Variants in ZNF831 observed in about 807,000 individuals in gnomAD.
ZNF831 encodes the protein zinc finger protein 831.
ZNF831 carries 59 observed loss-of-function variants against 95.8 expected under a neutral mutation model. The ratio of observed to expected loss-of-function variants is 0.62; its 90% confidence interval spans 0.50 to 0.77. The LOEUF (loss-of-function observed/expected upper bound fraction) is 0.77. Among genes scored for constraint, ZNF831 ranks in the 30% least tolerant of loss-of-function variants. The pLI is 0.00. For missense variants in ZNF831, 2,205 were observed against 2,164.0 expected (o/e 1.02, Z -0.38); for synonymous variants, 961 against 925.5 (o/e 1.04, Z -0.70).
chr20:59,192,621 C>A lies in ZNF831; in HGVS notation c.1602C>A (p.Ser534Arg), dbSNP rs778063295. 1.3e-6 allele frequency: 2 copies of A among 1,501,762 alleles called. No homozygotes were observed. The allele number at this position is 1,501,762 out of a possible 1,614,324, so 93.0% of individuals were successfully genotyped here. A position where few individuals can be genotyped will look rare whatever the true frequency, so the allele number is the denominator to read the frequency against. Residue 534 changes from serine to arginine, a missense_variant, in exon 2 of 6, where the codon AGC (serine) becomes AGA (arginine). Transcript: ENST00000371030. This position sits in a 1 kb window ranked among gnomAD's most constrained non-coding sequence, Gnocchi z 5.2. ...GGTCCAGGACGCAGAAGCCTCTGAG[C>A]CCCAGGCCCGGCCCAGCCCGCCTGG... ...DPWSRTQKPL[S>R]PRPGPARLGC...
At chr20:59,135,674 T>C (rs893803050) in intron 1 of ZNF831, among the ~76,000 whole-genome samples, 2 of 152,054 alleles carry the variant, frequency 1.3e-5, no homozygotes, top group Non-Finnish European at 2.9e-5. Context: ...GAGCTGGCAG[T>C]GAGCCGAGAC....
intron 4 of ZNF831, among the ~76,000 whole-genome samples, chr20:59,222,551 A>G (rs1946184040): frequency 6.6e-6 from 1 of 151,512 alleles, no homozygotes; most frequent in Non-Finnish European, 1.5e-5. Flanking sequence ...CCATGAATTT[A>G]CCAAAACTTT....
Position 59,194,475 on chromosome 20 carries a change from GTCTTCCC to G in ZNF831, c.3457_3463del (p.Ser1153ThrfsTer23). On this transcript the variant is annotated frameshift_variant, in exon 2 of 6. Coordinates refer to ENST00000371030, the MANE Select transcript of ZNF831 (RefSeq NM_178457.3). LOFTEE classifies it high-confidence loss of function. ...CCCCAGGCTGGCCAGAGCTGGCCTT[GTCTTCCC>G]ACTCAGGGACGTCCCGGAGCCACAG... is the stretch of plus-strand genomic sequence containing the variant. 2 of 1,612,980 alleles carry G rather than the reference GTCTTCCC, an allele frequency of 1.2e-6. No homozygotes were observed. The highest frequency in any genetic ancestry group is 1.7e-6 in the Non-Finnish European group (2 of 1,179,712).
rs1012309333 is a variant in ZNF831 at position 59,133,660 on chromosome 20, G to A, written c.-1425+10155G>A. ...AACAAGCAGCAGATAAAGGCTGGTTGACCAAGTGAGGAAGAAGCACATGCT... is the reference window on the plus strand; with the variant it reads ...AACAAGCAGCAGATAAAGGCTGGTTAACCAAGTGAGGAAGAAGCACATGCT... On this transcript the variant is annotated intron_variant, in intron 1 of 7. Coordinates refer to the ZNF831 transcript ENST00000637017. 4.6e-5 allele frequency among the ~76,000 whole-genome samples: 7 copies of A among 152,282 alleles called. 1 individual carries two copies. The highest frequency in any genetic ancestry group is 4.6e-4 in the Admixed American group (7 of 15,288).
intron 1 of ZNF831, among the ~76,000 whole-genome samples, chr20:59,168,560 C>T (rs1981479010): frequency 6.9e-6 from 1 of 144,780 alleles, no homozygotes; most frequent in Admixed American, 7.3e-5. Context: ...GCTTGCAAGT[C>T]TTTCCTTTCC....
chr20:59,216,047 A>G (rs117749246), intron 4 of ZNF831, among the ~76,000 whole-genome samples: 221 of 152,340 alleles, frequency 1.5e-3, no homozygotes, highest in Admixed American at 3.1e-3. Context: ...TTAAAAGAGA[A>G]TAGAAGAGAG....
chr20:59,139,303 T>C (rs775550806), intron 1 of ZNF831, among the ~76,000 whole-genome samples: 5 of 152,060 alleles, frequency 3.3e-5, no homozygotes, highest in Non-Finnish European at 7.3e-5. Context: ...GGCATTTATT[T>C]ATATCTATAA....
At chr20:59,182,357 C>G (rs1982687200) in intron 1 of ZNF831, among the ~76,000 whole-genome samples, 1 of 152,202 alleles carries the variant, frequency 6.6e-6, no homozygotes. Context: ...ATGCTGTGAT[C>G]AGTGCTTATA....
intron 1 of ZNF831, among the ~76,000 whole-genome samples, chr20:59,125,455 C>G (rs767477536): frequency 1.3e-4 from 20 of 152,142 alleles, no homozygotes; most frequent in Non-Finnish European, 2.6e-4. Context: ...CCCACCCCCC[C>G]GCAGCATCAC....
At chr20:59,143,043 A>T (rs1411958073) in intron 1 of ZNF831, among the ~76,000 whole-genome samples, 1 of 152,088 alleles carries the variant, frequency 6.6e-6, no homozygotes, top group Non-Finnish European at 1.5e-5. Flanking sequence ...GGCACCACAG[A>T]TGTGCACTAC....
chr20:59,127,184 G>A (rs1462300688), intron 1 of ZNF831, among the ~76,000 whole-genome samples: 2 of 152,082 alleles, frequency 1.3e-5, no homozygotes, highest in Non-Finnish European at 2.9e-5. Flanking sequence ...AAGTCCCCTT[G>A]GGCCTGCCTT....
chr20:59,178,683 T>C (rs768680282), intron 1 of ZNF831, among the ~76,000 whole-genome samples: 11 of 152,222 alleles, frequency 7.2e-5, no homozygotes, highest in Non-Finnish European at 1.3e-4. Context: ...GCTGATCGGA[T>C]CTTCTCTAAG....
intron 4 of ZNF831, among the ~76,000 whole-genome samples, chr20:59,222,914 G>A (rs1000144065): frequency 1.3e-4 from 20 of 152,332 alleles, no homozygotes; most frequent in African/African-American, 4.8e-4. Context: ...GGAGAGCAGG[G>A]TTTTGATCCT....
intron 4 of ZNF831, among the ~76,000 whole-genome samples, chr20:59,239,404 CAT>C (rs1197046323): frequency 6.6e-6 from 1 of 152,110 alleles, no homozygotes; most frequent in Non-Finnish European, 1.5e-5. Flanking sequence ...TTAGTCATAA[CAT>C]ATTTTAAAAG....
rs1988259942 is a variant in ZNF831 at position 59,257,995 on chromosome 20, T to G, written c.*3252T>G. On this transcript the variant is annotated 3_prime_UTR_variant, in exon 6 of 6. Transcript: ENST00000371030. ...CTCCTTGGCAACCTACATTGTTAAG[T>G]GACTCAAAGTCATGTGATTTTTGGT... The G allele has an allele frequency of 6.6e-6, 1 of 152,222 alleles. No individual in the cohort carries two copies. Among genetic ancestry groups the G allele is most frequent in the African/African-American group, 2.4e-5 (1 of 41,450 alleles). 9.4% of individuals were successfully genotyped at this position (152,222 alleles called of 1,614,324 possible).
intron 1 of ZNF831, among the ~76,000 whole-genome samples, chr20:59,189,891 G>A (rs1258086910): frequency 1.3e-5 from 2 of 152,240 alleles, no homozygotes; most frequent in Non-Finnish European, 2.9e-5. Flanking sequence ...GGGGAACGGA[G>A]CTGGGGATGG....
upstream of ZNF831, among the ~76,000 whole-genome samples, chr20:59,162,744 T>A (rs1980950157): frequency 6.6e-6 from 1 of 152,218 alleles, no homozygotes; most frequent in East Asian, 1.9e-4. Context: ...CTGGCTTTGT[T>A]ATTTTTGCTT....
intron 4 of ZNF831, among the ~76,000 whole-genome samples, chr20:59,249,992 T>G (rs1405745018): frequency 6.6e-6 from 1 of 152,188 alleles, no homozygotes; most frequent in Non-Finnish European, 1.5e-5. Flanking sequence ...AATGGAATCC[T>G]GATTTAACAG....
At chr20:59,201,215 G>A (rs935744357) in intron 3 of ZNF831, among the ~76,000 whole-genome samples, 4 of 152,052 alleles carry the variant, frequency 2.6e-5, no homozygotes, top group African/African-American at 4.8e-5. Context: ...GCTTGAATTT[G>A]CATTTCCCTA....
Sources: gnomAD v4.1 joint callset for allele counts (sites outside exome capture counted in the v4.1 genomes callset) on GRCh38, gnomAD v4.1.1 for gene constraint, Gnocchi (gnomAD v3.1) non-coding constraint, MANE v1.5 for transcripts, NCBI Gene and HGNC (gene_info 2026-07-23, HGNC 2026-07-21) for gene names.